The following EPHA7 variants were observed in gnomAD, a reference collection of about 807,000 sequenced individuals.
EPHA7 encodes the protein ephrin type-A receptor 7.
In EPHA7, 25 loss-of-function variants were observed where a neutral mutation model predicts 112.6. The observed-to-expected ratio is 0.22, with a 90% CI of 0.16 to 0.31. The LOEUF is 0.31. Ranked by LOEUF, EPHA7 falls within the 10% of genes least tolerant of loss-of-function variation. The probability of loss-of-function intolerance (pLI) is 1.00; values close to 1 mark genes in which losing one functional copy is unlikely to be tolerated. For missense variants in EPHA7, 962 were observed against 1,212.6 expected (o/e 0.79, Z 3.07); for synonymous variants, 437 against 406.5 (o/e 1.07, Z -0.90).
chr6:93,262,432 T>A (rs1770730591), intron 9 of EPHA7, among the ~76,000 whole-genome samples: 1 of 151,302 alleles, frequency 6.6e-6, no homozygotes, highest in Non-Finnish European at 1.5e-5. Context: ...TATTAAGTTT[T>A]TTGAGGCTTA....
chr6:93,311,194 CT>C (rs1175867285), intron 5 of EPHA7, among the ~76,000 whole-genome samples: 1 of 138,552 alleles, frequency 7.2e-6, no homozygotes, highest in Non-Finnish European at 1.5e-5. Context: ...GAACTCCTGG[CT>C]GACATGATCC....
chr6:93,384,959 C>G (rs1335633517), intron 3 of EPHA7, among the ~76,000 whole-genome samples: 1 of 152,112 alleles, frequency 6.6e-6, no homozygotes, highest in Non-Finnish European at 1.5e-5. Context: ...AGTTGCACTA[C>G]AAACACAAAT....
At chr6:93,294,504 T>C (rs958395982) in intron 5 of EPHA7, among the ~76,000 whole-genome samples, 4 of 152,150 alleles carry the variant, frequency 2.6e-5, no homozygotes, top group African/African-American at 9.7e-5. Context: ...ACTACCCTGA[T>C]TTTTATTAAG....
In EPHA7 at chr6:93,419,262, G is replaced by T. The variant is rs773296055; in HGVS notation, c.80C>A (p.Ala27Glu). 4 of 1,613,402 alleles carry T rather than the reference G, an allele frequency of 2.5e-6. No individual in the cohort carries two copies. Among genetic ancestry groups the T allele is most frequent in the Non-Finnish European group, 3.4e-6 (4 of 1,179,716 alleles). ...WLLRFAHTGEAQAAKEVLLLD... is the reference protein window; with the variant it reads ...WLLRFAHTGEEQAAKEVLLLD... ...CACCTTACCTTCCTTCGCAGCCTGC[G>T]CCTCCCCTGTGTGTGCAAAGCGGAG... Residue 27 changes from alanine (A) to glutamate (E), a missense_variant, in exon 1 of 17, where the codon GCG (alanine) becomes GAG (glutamate). Coordinates refer to ENST00000369303, the MANE Select transcript of EPHA7 (RefSeq NM_004440.4).
intron 5 of EPHA7, among the ~76,000 whole-genome samples, chr6:93,314,192 A>T (rs1208482809): frequency 6.6e-6 from 1 of 152,154 alleles, no homozygotes; most frequent in African/African-American, 2.4e-5. Context: ...TTAGAAAATA[A>T]ATGTCAAGAA....
intron 5 of EPHA7, among the ~76,000 whole-genome samples, chr6:93,334,967 G>A (rs1031505916): frequency 6.6e-6 from 1 of 151,952 alleles, no homozygotes; most frequent in African/African-American, 2.4e-5. Context: ...TGAAAATCAA[G>A]GACAGGAAGA....
intron 5 of EPHA7, among the ~76,000 whole-genome samples, chr6:93,350,793 G>A (rs576096789): frequency 1.6e-4 from 25 of 151,728 alleles, no homozygotes; most frequent in African/African-American, 5.8e-4. Context: ...AATGTACTGC[G>A]GAAGATACAC....
chr6:93,273,508 T>G (rs1771330414), intron 5 of EPHA7, among the ~76,000 whole-genome samples: 1 of 152,010 alleles, frequency 6.6e-6, no homozygotes, highest in Non-Finnish European at 1.5e-5. Flanking sequence ...TAATATTTTC[T>G]TGTATCAATG....
chr6:93,309,518 T>C (rs1257736445), intron 5 of EPHA7, among the ~76,000 whole-genome samples: 7 of 152,260 alleles, frequency 4.6e-5, no homozygotes, highest in South Asian at 2.1e-4. Flanking sequence ...TAAAGACATT[T>C]TCATTTTTAA....
intron 5 of EPHA7, among the ~76,000 whole-genome samples, chr6:93,292,836 G>T (rs1379426757): frequency 6.6e-6 from 1 of 152,140 alleles, no homozygotes; most frequent in Non-Finnish European, 1.5e-5. Flanking sequence ...GGAAGATAGT[G>T]ATAGAGAGAG....
chr6:93,269,658 A>G lies in EPHA7; in HGVS notation c.1452T>C (p.Asp484=), dbSNP rs1771114197. Residue 484 remains aspartate (D), a splice_region_variant and synonymous_variant, in exon 7 of 17, where the codon GAT becomes GAC. Transcript: ENST00000369303. ...CTGTTGAGTAGGTCCGTTCCCTTTGATCCTAGAAACAATATTTAGAGGAAA... is the reference window on the plus strand; with the variant it reads ...CTGTTGAGTAGGTCCGTTCCCTTTGGTCCTAGAAACAATATTTAGAGGAAA... ...TEYEIKYYEK[D]QRERTYSTVK... is the part of the protein sequence containing the mutation. The G allele has an allele frequency of 6.6e-7, 1 of 1,512,350 alleles. No homozygotes were observed. Among genetic ancestry groups the G allele is most frequent in the Non-Finnish European group, 8.8e-7 (1 of 1,134,568 alleles). The allele number at this position is 1,512,350 out of a possible 1,614,324, so 93.7% of individuals were successfully genotyped here.
chr6:93,243,106 A>G lies in EPHA7; in HGVS notation c.*320T>C. The stretch of plus-strand genomic sequence containing the variant: ...TTATTTGACAAATATATTCTTTCTT[A>G]AATTCTTTATGTACATTTTAAAAAG... On this transcript the variant is annotated 3_prime_UTR_variant, in exon 17 of 17. Coordinates refer to ENST00000369303, the MANE Select transcript of EPHA7 (RefSeq NM_004440.4). The G allele has an allele frequency of 4.0e-6, 1 of 248,264 alleles. No individual in the cohort carries two copies. The highest frequency in any genetic ancestry group is 7.8e-6 in the Non-Finnish European group (1 of 128,712). 15.4% of individuals were successfully genotyped at this position (248,264 alleles called of 1,614,324 possible). A position where few individuals can be genotyped will look rare whatever the true frequency, so the allele number is the denominator to read the frequency against.
intron 1 of EPHA7, among the ~76,000 whole-genome samples, chr6:93,416,626 C>G (rs1779241404): frequency 6.6e-6 from 1 of 152,226 alleles, no homozygotes; most frequent in African/African-American, 2.4e-5. Context: ...GGTCCGCTCT[C>G]TGGTTAAACC....
intron 9 of EPHA7, among the ~76,000 whole-genome samples, chr6:93,259,800 T>G (rs1368142432): frequency 6.6e-6 from 1 of 151,982 alleles, no homozygotes; most frequent in Non-Finnish European, 1.5e-5. Flanking sequence ...CATGGCATAG[T>G]TCAAGCCATA....
intron 3 of EPHA7, among the ~76,000 whole-genome samples, chr6:93,359,669 T>C (rs1776143236): frequency 6.6e-6 from 1 of 152,074 alleles, no homozygotes; most frequent in South Asian, 2.1e-4. Flanking sequence ...AGTTGAGTCA[T>C]CCCTTAACTT....
chr6:93,373,994 A>C (rs1447699903), intron 3 of EPHA7, among the ~76,000 whole-genome samples: 4 of 152,164 alleles, frequency 2.6e-5, no homozygotes, highest in Non-Finnish European at 5.9e-5. Flanking sequence ...AAAAATGTAT[A>C]ACATGTCAGA....
Position 93,419,415 on chromosome 6 carries a change from G to T in EPHA7, c.-74C>A. The stretch of plus-strand genomic sequence containing the variant: ...ATTTTTAAATGCTGTTTGTTCCGAA[G>T]TAGCTTTTGTTTTATTGTGCTCCTT... On this transcript the variant is annotated 5_prime_UTR_variant, in exon 1 of 17. Transcript: ENST00000369303. The T allele has an allele frequency of 7.9e-7, 1 of 1,273,362 alleles. No homozygotes were observed. The highest frequency in any genetic ancestry group is 1.1e-6 in the Non-Finnish European group (1 of 886,202). 78.9% of individuals were successfully genotyped at this position (1,273,362 alleles called of 1,614,324 possible). A position where few individuals can be genotyped will look rare whatever the true frequency, so the allele number is the denominator to read the frequency against.
intron 7 of EPHA7, among the ~76,000 whole-genome samples, chr6:93,267,827 A>G (rs542585494): frequency 1.6e-4 from 24 of 151,724 alleles, no homozygotes; most frequent in Non-Finnish European, 3.2e-4. Flanking sequence ...AAAGGCATAA[A>G]TTCATCTTGA....
intron 5 of EPHA7, among the ~76,000 whole-genome samples, chr6:93,337,828 G>A (rs1271958535): frequency 6.6e-6 from 1 of 152,026 alleles, no homozygotes; most frequent in East Asian, 1.9e-4. Context: ...CTTGCTCTTT[G>A]TTCACCGTTT....
Sources: allele counts gnomAD v4.1 joint callset (sites outside exome capture counted in the v4.1 genomes callset), GRCh38; gene constraint gnomAD v4.1.1; transcripts MANE v1.5; gene names NCBI Gene and HGNC (gene_info 2026-07-23, HGNC 2026-07-21).